The following SP100 variants were observed in gnomAD, a reference collection of about 807,000 sequenced individuals.
SP100 encodes the protein nuclear autoantigen Sp-100.
SP100 carries 84 observed loss-of-function variants against 130.0 expected under a neutral mutation model. The ratio of observed to expected loss-of-function variants is 0.65; its 90% confidence interval spans 0.54 to 0.77. The LOEUF (loss-of-function observed/expected upper bound fraction) is 0.77. SP100 is among the 30% of genes least tolerant of loss of function. The probability of loss-of-function intolerance (pLI) is 0.00; values close to 1 mark genes in which losing one functional copy is unlikely to be tolerated. For missense variants in SP100, 978 were observed against 1,052.2 expected (o/e 0.93, Z 0.97); for synonymous variants, 331 against 351.7 (o/e 0.94, Z 0.66).
intron 2 of SP100, among the ~76,000 whole-genome samples, chr2:230,442,571 T>C (rs2063512151): frequency 6.6e-6 from 1 of 152,236 alleles, no homozygotes; most frequent in Non-Finnish European, 1.5e-5. Flanking sequence ...GGTTAGATTT[T>C]ATTTTTATTC....
intron 17 of SP100, among the ~76,000 whole-genome samples, chr2:230,490,239 A>G (rs917222049): frequency 7.2e-5 from 11 of 151,828 alleles, no homozygotes; most frequent in African/African-American, 2.4e-4. Flanking sequence ...TCCCTTTACC[A>G]TTATGTAATG....
intron 23 of SP100, 161 bp from the exon 24 acceptor site, chr2:230,510,963 CT>C: frequency 1.5e-6 from 1 of 662,342 alleles, no homozygotes; most frequent in East Asian, 2.7e-5. Flanking sequence ...TAATTTAGTG[CT>C]TTTTTATTCT....
At chr2:230,473,289 G>T (rs2065366109) in intron 15 of SP100, 35 bp from the exon 16 acceptor site, 1 of 1,451,390 alleles carries the variant, frequency 6.9e-7, no homozygotes, top group Non-Finnish European at 9.7e-7. Flanking sequence ...AAGGGGAGTG[G>T]GCACAAATAA....
At chr2:230,427,873 A>C (rs1334703043) in intron 2 of SP100, among the ~76,000 whole-genome samples, 1 of 152,222 alleles carries the variant, frequency 6.6e-6, no homozygotes, top group East Asian at 1.9e-4. Context: ...TACAATTTAC[A>C]TACTTTTTAT....
chr2:230,485,652 G>A (rs749342905), intron 17 of SP100, among the ~76,000 whole-genome samples: 2 of 152,050 alleles, frequency 1.3e-5, no homozygotes, highest in Non-Finnish European at 2.9e-5. Flanking sequence ...TTTTATTGAT[G>A]TATACTGAAT....
intron 3 of SP100, among the ~76,000 whole-genome samples, chr2:230,443,373 G>A (rs913059074): frequency 6.6e-6 from 1 of 152,154 alleles, no homozygotes; most frequent in African/African-American, 2.4e-5. Flanking sequence ...AAACTGGAAC[G>A]GAAACAGGTG....
In SP100 at chr2:230,462,469, C is replaced by A. The variant is rs35985492; in HGVS notation, c.1008C>A (p.Asp336Glu). 6.2e-7 allele frequency: 1 copy of A among 1,613,846 alleles called. No homozygotes were observed. The highest frequency in any genetic ancestry group is 8.5e-7 in the Non-Finnish European group (1 of 1,179,836). ...GTGAGGACTCTGAAGGATCCACTGA[C>A]GTTGATGAGCCCTTAGAAGTCTTCA... ...ISSEDSEGST[D>E]VDEPLEVFIS... Residue 336 changes from aspartate to glutamate, a missense_variant, in exon 10 of 29, where the codon GAC becomes GAA. By Grantham distance (45) the Asp-to-Glu change is conservative. Transcript: ENST00000340126.
chr2:230,437,500 T>C (rs559201725), intron 2 of SP100, among the ~76,000 whole-genome samples: 3 of 152,288 alleles, frequency 2.0e-5, no homozygotes, highest in Admixed American at 1.3e-4. Context: ...TGAATATTGA[T>C]ATATATTTCA....
intron 19 of SP100, among the ~76,000 whole-genome samples, chr2:230,499,793 C>T (rs545178465): frequency 6.6e-6 from 1 of 152,216 alleles, no homozygotes; most frequent in African/African-American, 2.4e-5. Flanking sequence ...GTCTGAGAGT[C>T]TCTCATTCCC....
At chr2:230,509,407 G>A (rs957950009) in intron 23 of SP100, 1 of 152,212 alleles carries the variant, frequency 6.6e-6, no homozygotes, top group African/African-American at 2.4e-5. Flanking sequence ...TAGAGATTCA[G>A]TGACTAGGCT....
chr2:230,463,836 G>T, intron 10 of SP100: 1 of 327,154 alleles, frequency 3.1e-6, no homozygotes, highest in Non-Finnish European at 5.7e-6. Context: ...TAAAAGAAGC[G>T]TGGGAAAGCA....
chr2:230,467,533 G>A (rs571540467), intron 13 of SP100, among the ~76,000 whole-genome samples: 1 of 152,330 alleles, frequency 6.6e-6, no homozygotes, highest in South Asian at 2.1e-4. Context: ...CATGGCTGGG[G>A]AGGCCTCACA....
rs540878517 is a variant in SP100, at chr2:230,451,103, G to A, written c.820+848G>A. Among the ~76,000 whole-genome samples the A allele has an allele frequency of 9.0e-4, 137 of 152,248 alleles. 1 individual carries two copies. Among genetic ancestry groups the A allele is most frequent in the Middle Eastern group, 3.4e-3 (1 of 294 alleles). Reference sequence around the variant, plus strand: ...AGGTTTATGGAAATGTAGTCCCATCGTAACTCTAGGAGCATCTGTACTGAT... The same window carrying A: ...AGGTTTATGGAAATGTAGTCCCATCATAACTCTAGGAGCATCTGTACTGAT... On this transcript the variant is annotated intron_variant, in intron 8 of 28. Coordinates refer to ENST00000340126, the MANE Select transcript of SP100 (RefSeq NM_001080391.2).
At chr2:230,463,283 T>G (rs1277854540) in intron 10 of SP100, among the ~76,000 whole-genome samples, 1 of 152,172 alleles carries the variant, frequency 6.6e-6, no homozygotes, top group Non-Finnish European at 1.5e-5. Context: ...GAGAGAAACA[T>G]TATTAAAATC....
chr2:230,471,010 T>C (rs1352009635), intron 15 of SP100, among the ~76,000 whole-genome samples: 1 of 152,058 alleles, frequency 6.6e-6, no homozygotes, highest in Non-Finnish European at 1.5e-5. Context: ...ATATAATCTT[T>C]AGGGGGAGGG....
chr2:230,517,487 C>T (rs751697999), intron 24 of SP100, among the ~76,000 whole-genome samples: 8 of 152,088 alleles, frequency 5.3e-5, no homozygotes, highest in African/African-American at 1.9e-4. Context: ...TTGGGCCAGG[C>T]GCCATAGCTA....
chr2:230,459,136 G>A (rs555614017), intron 8 of SP100, among the ~76,000 whole-genome samples: 1 of 151,996 alleles, frequency 6.6e-6, no homozygotes, highest in Admixed American at 6.6e-5. Context: ...ACTATGAATA[G>A]AAAAAACATA....
intron 24 of SP100, among the ~76,000 whole-genome samples, chr2:230,514,252 C>G (rs1429151283): frequency 6.6e-6 from 1 of 152,116 alleles, no homozygotes; most frequent in Non-Finnish European, 1.5e-5. Context: ...TTTTACTTTT[C>G]TTGGAAGAAA....
At chr2:230,449,208 T>C (rs930067239) in intron 6 of SP100, 58 bp downstream of exon 6, 12 of 1,550,180 alleles carry the variant, frequency 7.7e-6, no homozygotes, top group Non-Finnish European at 8.9e-6. Context: ...TTCTGGAATG[T>C]GCTGTGGGGT....
Sources: gnomAD v4.1 joint callset for allele counts (sites outside exome capture counted in the v4.1 genomes callset) on GRCh38, gnomAD v4.1.1 for gene constraint, MANE v1.5 for transcripts, NCBI Gene and HGNC (gene_info 2026-07-23, HGNC 2026-07-21) for gene names.